The following HERC4 variants were observed in gnomAD, a reference collection of about 807,000 sequenced individuals.
HERC4 encodes the protein HECT and RLD domain containing E3 ubiquitin protein ligase 4, also known as probable E3 ubiquitin-protein ligase HERC4.
In HERC4, 28 loss-of-function variants were observed where a neutral mutation model predicts 124.3. The ratio of observed to expected loss-of-function variants is 0.23; its 90% CI spans 0.17 to 0.31. HERC4 has a LOEUF of 0.31. Ranked by LOEUF, HERC4 falls within the 10% of genes least tolerant of loss-of-function variation. The probability of loss-of-function intolerance (pLI) is 1.00; values close to 1 mark genes in which losing one functional copy is unlikely to be tolerated. For synonymous variants in HERC4, 407 were observed against 421.5 expected (o/e 0.97, Z 0.42); for missense variants, 713 against 1,229.3 (o/e 0.58, Z 6.28).
At chr10:67,982,577 T>C (rs1207143182) in intron 15 of HERC4, among the ~76,000 whole-genome samples, 2 of 152,178 alleles carry the variant, frequency 1.3e-5, no homozygotes, top group African/African-American at 2.4e-5. Context: ...AAAAATTTCC[T>C]AATGCCCCAC....
intron 9 of HERC4, among the ~76,000 whole-genome samples, chr10:68,013,800 C>A (rs761397786): frequency 2.6e-5 from 4 of 152,166 alleles, no homozygotes; most frequent in Admixed American, 6.5e-5. Flanking sequence ...TTCTAGTTCC[C>A]ATATGACCCA....
chr10:67,990,055 G>T (rs2036469888), intron 14 of HERC4, among the ~76,000 whole-genome samples, 156 bp downstream of exon 14: 1 of 151,944 alleles, frequency 6.6e-6, no homozygotes, highest in Non-Finnish European at 1.5e-5. Context: ...AGAATCAAAA[G>T]ACTAGACAAA....
intron 15 of HERC4, among the ~76,000 whole-genome samples, chr10:67,971,622 A>G (rs1305506624): frequency 6.6e-6 from 1 of 152,160 alleles, no homozygotes; most frequent in East Asian, 1.9e-4. Flanking sequence ...GAAATGGAAG[A>G]AAATTTCTTC....
intron 3 of HERC4, chr10:68,070,709 T>C (rs1029260061): frequency 6.6e-5 from 10 of 152,180 alleles, no homozygotes; most frequent in African/African-American, 9.7e-5. Context: ...CTTTTTGAAC[T>C]TGTTTCTCTT....
At chr10:68,071,721 A>G (rs1385273490) in intron 3 of HERC4, among the ~76,000 whole-genome samples, 3 of 152,232 alleles carry the variant, frequency 2.0e-5, no homozygotes, top group Non-Finnish European at 4.4e-5. Context: ...CAGGTAGAGT[A>G]CAAGAAAGCT....
intron 5 of HERC4, among the ~76,000 whole-genome samples, chr10:68,034,851 T>A (rs1195244486): frequency 6.6e-6 from 1 of 151,752 alleles, no homozygotes; most frequent in Admixed American, 6.6e-5. Context: ...ACATATCCAG[T>A]CTATCATATA....
chr10:68,024,796 AT>A (rs1195724595), intron 8 of HERC4, among the ~76,000 whole-genome samples: 6 of 152,204 alleles, frequency 3.9e-5, no homozygotes, highest in Admixed American at 3.9e-4. Flanking sequence ...AGTCTGCTCA[AT>A]TTAATTCCCC....
At chr10:67,987,984 C>A (rs999694150) in intron 15 of HERC4, 1 of 152,048 alleles carries the variant, frequency 6.6e-6, no homozygotes, top group African/African-American at 2.4e-5. Flanking sequence ...TCCCTTAGGT[C>A]ATGTCTCATC....
At chr10:67,941,453 T>G (rs1381401838) in intron 19 of HERC4, among the ~76,000 whole-genome samples, 1 of 151,994 alleles carries the variant, frequency 6.6e-6, no homozygotes, top group African/African-American at 2.4e-5. Flanking sequence ...TAAAAAGTAA[T>G]ACACATTCGA....
intron 9 of HERC4, among the ~76,000 whole-genome samples, chr10:68,004,204 T>C (rs2037406004): frequency 6.6e-6 from 1 of 152,212 alleles, no homozygotes; most frequent in Non-Finnish European, 1.5e-5. Flanking sequence ...ATTTTTCCTA[T>C]AGAGTTGTTT....
intron 13 of HERC4, 97 bp from the exon 14 acceptor site, chr10:67,990,497 G>A (rs934525695): frequency 2.7e-5 from 20 of 745,456 alleles, no homozygotes; most frequent in Admixed American, 7.9e-5. Context: ...AGAAAGAAAA[G>A]GAAAATTTTG....
intron 17 of HERC4, chr10:67,955,906 CTTTT>C (rs1055911630): frequency 6.6e-6 from 1 of 152,136 alleles, no homozygotes; most frequent in Non-Finnish European, 1.5e-5. Flanking sequence ...AACTTTTGTT[CTTTT>C]ATTATGGTTC....
chr10:67,930,329 C>T (rs933451453), intron 23 of HERC4, among the ~76,000 whole-genome samples: 23 of 152,168 alleles, frequency 1.5e-4, no homozygotes, highest in South Asian at 2.1e-4. Flanking sequence ...TAACTACATT[C>T]ACATGGTTGT....
At chr10:67,940,032 G>A (rs1377439023) in intron 20 of HERC4, among the ~76,000 whole-genome samples, 2 of 151,820 alleles carry the variant, frequency 1.3e-5, no homozygotes, top group African/African-American at 2.4e-5. Context: ...GTTTTTAAAA[G>A]CAATTCTCCT....
intron 9 of HERC4, among the ~76,000 whole-genome samples, chr10:67,998,241 T>G (rs1302997987): frequency 6.6e-6 from 1 of 151,130 alleles, no homozygotes; most frequent in Non-Finnish European, 1.5e-5. Context: ...CAATAAATAA[T>G]AATAATACAA....
At chr10:67,977,736 C>A (rs2035681633) in intron 15 of HERC4, among the ~76,000 whole-genome samples, 1 of 151,926 alleles carries the variant, frequency 6.6e-6, no homozygotes, top group African/African-American at 2.4e-5. Context: ...AATCCCAGCA[C>A]TTTGGGAGGC....
At chr10:68,055,989 C>A (rs1005157025) in intron 3 of HERC4, among the ~76,000 whole-genome samples, 1 of 152,002 alleles carries the variant, frequency 6.6e-6, no homozygotes, top group Non-Finnish European at 1.5e-5. Context: ...CTCAGGTGAT[C>A]CACTGGCCTC....
chr10:67,977,116 C>T (rs2035639034), intron 15 of HERC4, among the ~76,000 whole-genome samples: 1 of 152,192 alleles, frequency 6.6e-6, no homozygotes, highest in Non-Finnish European at 1.5e-5. Flanking sequence ...TAACCCAAGG[C>T]TGCACAGCTT....
At chr10:67,944,751 CAG>C (rs2033191441) in intron 19 of HERC4, among the ~76,000 whole-genome samples, 1 of 152,072 alleles carries the variant, frequency 6.6e-6, no homozygotes, top group Admixed American at 6.6e-5. Context: ...ATAAATTTAA[CAG>C]AGTAAAATAA....
Sources: allele counts gnomAD v4.1 joint callset (sites outside exome capture counted in the v4.1 genomes callset), GRCh38; gene constraint gnomAD v4.1.1; transcripts MANE v1.5; gene names NCBI Gene and HGNC (gene_info 2026-07-23, HGNC 2026-07-21).